Variants in KLF12 observed in about 807,000 individuals in gnomAD.
KLF12 encodes Krueppel-like factor 12.
A neutral mutation model predicts 37.8 loss-of-function variants in KLF12; 9 were observed. That is an observed-to-expected ratio of 0.24 (90% CI 0.14 to 0.42). The LOEUF (loss-of-function observed/expected upper bound fraction) is 0.42, where lower values mean the gene tolerates loss of function less well. Ranked by LOEUF, KLF12 falls within the 10% of genes least tolerant of loss-of-function variation. The probability of loss-of-function intolerance (pLI) is 1.00; values close to 1 mark genes in which losing one functional copy is unlikely to be tolerated. For synonymous variants in KLF12, 208 were observed against 202.1 expected (o/e 1.03, Z -0.25); for missense variants, 411 against 516.0 (o/e 0.80, Z 1.97).
At chr13:74,094,574 C>T (rs1875867009) in intron 1 of KLF12, among the ~76,000 whole-genome samples, 1 of 151,748 alleles carries the variant, frequency 6.6e-6, no homozygotes, top group African/African-American at 2.4e-5. Context: ...CCTTTCCACC[C>T]CACAACCAGA....
chr13:74,120,739 C>A (rs1359678243), intron 1 of KLF12, among the ~76,000 whole-genome samples: 1 of 151,786 alleles, frequency 6.6e-6, no homozygotes, highest in African/African-American at 2.4e-5. Context: ...AAGAAAATAG[C>A]ACAAACAATG....
chr13:73,889,560 T>C (rs1887403054), intron 3 of KLF12, among the ~76,000 whole-genome samples: 1 of 152,200 alleles, frequency 6.6e-6, no homozygotes, highest in Admixed American at 6.5e-5. Context: ...TACCAAGTAC[T>C]GTGACTTTAA....
At chr13:74,162,567 T>C in the KLF12 span, among the ~76,000 whole-genome samples, 1 of 152,168 alleles carries the variant, frequency 6.6e-6, no homozygotes, top group South Asian at 2.1e-4. Context: ...TCTGAAATAG[T>C]AGGATTTAAT....
chr13:74,224,853 C>G, the KLF12 span, among the ~76,000 whole-genome samples: 4,323 of 152,194 alleles, frequency 0.028, 136 homozygotes, highest in African/African-American at 0.074. Flanking sequence ...AAAACCATTT[C>G]AAGAATTGGC....
At chr13:73,935,011 G>C (rs2139310495) in intron 3 of KLF12, among the ~76,000 whole-genome samples, 1 of 150,596 alleles carries the variant, frequency 6.6e-6, no homozygotes, top group South Asian at 2.1e-4. Flanking sequence ...ATGCAGTCTT[G>C]CTTTGTCATC....
intron 5 of KLF12, among the ~76,000 whole-genome samples, chr13:73,778,336 T>C (rs1880751593): frequency 6.6e-6 from 1 of 152,132 alleles, no homozygotes; most frequent in South Asian, 2.1e-4. Context: ...AACTTTGTAC[T>C]GTGCTAAGAG....
At chr13:74,032,648 A>G (rs945029138) in intron 1 of KLF12, among the ~76,000 whole-genome samples, 4 of 152,042 alleles carry the variant, frequency 2.6e-5, no homozygotes, top group African/African-American at 9.7e-5. Flanking sequence ...CATTCTCATG[A>G]CCCAGGCCTC....
Position 73,947,648 on chromosome 13 carries a change from C to CAAAAAA in KLF12, c.34-3584_34-3579dup, listed in dbSNP as rs11378611. 1.7e-4 allele frequency among the ~76,000 whole-genome samples: 15 copies of CAAAAAA among 85,856 alleles called. 1 individual carries two copies. Among genetic ancestry groups the CAAAAAA allele is most frequent in the South Asian group, 4.9e-4 (1 of 2,052 alleles). 56.3% of individuals were successfully genotyped at this position (85,856 alleles called of 152,430 possible). A position where few individuals can be genotyped will look rare whatever the true frequency, so the allele number is the denominator to read the frequency against. Reference sequence around the variant, plus strand: ...CCTGAGCGACAGAGGGAGACGGTCTCAAAAAAAAAAAAAAAAAAAAGAGTT... The same window carrying CAAAAAA: ...CCTGAGCGACAGAGGGAGACGGTCTCAAAAAAAAAAAAAAAAAAAAAAAAAAGAGTT... On this transcript the variant is annotated intron_variant, in intron 2 of 7. Transcript: ENST00000377669.
intron 6 of KLF12, among the ~76,000 whole-genome samples, chr13:73,751,061 GGATTCA>G (rs1289881862): frequency 6.6e-6 from 1 of 152,150 alleles, no homozygotes; most frequent in African/African-American, 2.4e-5. Flanking sequence ...GGCAATGATT[GGATTCA>G]GAGGAGGAGT....
At chr13:73,985,802 G>A (rs1158846486) in intron 2 of KLF12, among the ~76,000 whole-genome samples, 1 of 152,146 alleles carries the variant, frequency 6.6e-6, no homozygotes, top group Non-Finnish European at 1.5e-5. Context: ...AAGCTATACA[G>A]AACTTTTCCT....
intron 1 of KLF12, among the ~76,000 whole-genome samples, chr13:74,055,081 AG>A (rs1231735118): frequency 6.6e-6 from 1 of 152,256 alleles, no homozygotes; most frequent in East Asian, 1.9e-4. Flanking sequence ...AGCACCTAGC[AG>A]AATATGCAAT....
At chr13:74,169,356 A>G in the KLF12 span, among the ~76,000 whole-genome samples, 1 of 152,206 alleles carries the variant, frequency 6.6e-6, no homozygotes, top group Non-Finnish European at 1.5e-5. Flanking sequence ...ATGTGATCTC[A>G]TTTTTGTAGT....
At chr13:74,074,338 T>C (rs1260667161) in intron 1 of KLF12, among the ~76,000 whole-genome samples, 1 of 152,198 alleles carries the variant, frequency 6.6e-6, no homozygotes, top group Non-Finnish European at 1.5e-5. Flanking sequence ...TGTGTCCTCT[T>C]GCTCCCAGAG....
intron 6 of KLF12, among the ~76,000 whole-genome samples, chr13:73,740,081 T>C (rs531554550): frequency 3.9e-5 from 6 of 152,332 alleles, no homozygotes; most frequent in African/African-American, 1.4e-4. Flanking sequence ...TTTAGGTATG[T>C]CTGAAAGCTG....
chr13:74,125,229 C>A (rs1372868086), intron 1 of KLF12, among the ~76,000 whole-genome samples: 1 of 151,660 alleles, frequency 6.6e-6, no homozygotes, highest in African/African-American at 2.4e-5. Flanking sequence ...TAAAAAGATA[C>A]ACATACACAC....
intron 1 of KLF12, 92 bp from the exon 2 acceptor site, chr13:73,995,145 C>G: frequency 2.6e-6 from 2 of 784,026 alleles, no homozygotes; most frequent in East Asian, 5.0e-5. Flanking sequence ...CTTAATTCTA[C>G]AGTTCCTTAA....
chr13:73,753,373 T>A (rs1322783928), intron 6 of KLF12, among the ~76,000 whole-genome samples: 1 of 152,176 alleles, frequency 6.6e-6, no homozygotes, highest in Non-Finnish European at 1.5e-5. Context: ...AGATGCCAAG[T>A]CACCTCCTTT....
At chr13:73,738,376 T>C (rs543444207) in intron 6 of KLF12, among the ~76,000 whole-genome samples, 27 of 151,514 alleles carry the variant, frequency 1.8e-4, no homozygotes, top group African/African-American at 6.1e-4. Context: ...GGTCTCGAAC[T>C]CCTGACCTCA....
chr13:73,943,791 A>T (rs1160805910), intron 3 of KLF12, among the ~76,000 whole-genome samples, 190 bp downstream of exon 3: 1 of 152,222 alleles, frequency 6.6e-6, no homozygotes, highest in Non-Finnish European at 1.5e-5. Flanking sequence ...ATCCCTTCCA[A>T]GGAAATAATA....
Sources: allele counts gnomAD v4.1 joint callset (sites outside exome capture counted in the v4.1 genomes callset), GRCh38; gene constraint gnomAD v4.1.1; transcripts MANE v1.5; gene names NCBI Gene and HGNC (gene_info 2026-07-23, HGNC 2026-07-21).